DACH2: variants seen among roughly 807,000 people sequenced by gnomAD.
DACH2 encodes dachshund homolog 2.
Under a neutral mutation model 35.8 loss-of-function variants are expected in DACH2, and 17 were observed. The observed-to-expected ratio is 0.48, with a 90% CI of 0.33 to 0.71. The LOEUF is 0.71. Among genes scored for constraint, DACH2 ranks in the 30% least tolerant of loss-of-function variants. The pLI is 0.02. For synonymous variants in DACH2, 195 were observed against 177.3 expected, an observed-to-expected ratio of 1.10 and a Z score of -0.79; for missense variants, 469 against 472.7, an observed-to-expected ratio of 0.99 and a Z score of 0.07.
intron 5 of DACH2, among the ~76,000 whole-genome samples, chrX:86,714,202 A>C (rs1725570039): frequency 8.9e-6 from 1 of 111,990 alleles, no homozygotes; most frequent in African/African-American, 3.2e-5. Flanking sequence ...ATGATGTTAC[A>C]AAATGGTTAT....
intron 3 of DACH2, among the ~76,000 whole-genome samples, chrX:86,624,696 G>A (rs2148381519): frequency 8.9e-6 from 1 of 111,840 alleles, no homozygotes; most frequent in African/African-American, 3.2e-5. Context: ...GGAGTAAACA[G>A]AACATAGTTT....
At chrX:86,329,233 G>A (rs1391426039) in intron 1 of DACH2, among the ~76,000 whole-genome samples, 1 of 111,008 alleles carries the variant, frequency 9.0e-6, no homozygotes, top group Non-Finnish European at 1.9e-5. Flanking sequence ...TTTGGTATCC[G>A]TAAAGAAGTC....
In DACH2 at chrX:86,181,375, C is replaced by T. The variant is rs112801167; in HGVS notation, c.488+32267C>T. Among the ~76,000 whole-genome samples the T allele has an allele frequency of 5.5e-3, 613 of 110,678 alleles. 2 individuals carry two copies. Among genetic ancestry groups the T allele is most frequent in the African/African-American group, 0.02 (597 of 30,376 alleles). On this transcript the variant is annotated intron_variant, in intron 1 of 11. Coordinates refer to ENST00000373125, the MANE Select transcript of DACH2 (RefSeq NM_053281.3). ...GACAGGCCCTGGTGTGTGATGTTCTCCTCCCTGTGTTCATGTGTTCTCATT... is the reference window on the plus strand; with the variant it reads ...GACAGGCCCTGGTGTGTGATGTTCTTCTCCCTGTGTTCATGTGTTCTCATT...
At chrX:86,313,373 G>A (rs1488478978) in intron 1 of DACH2, among the ~76,000 whole-genome samples, 4 of 111,667 alleles carry the variant, frequency 3.6e-5, no homozygotes, top group African/African-American at 9.8e-5. Flanking sequence ...TTGGGATGGT[G>A]CATATTCAAA....
intron 3 of DACH2, among the ~76,000 whole-genome samples, chrX:86,613,144 T>A (rs1195094845): frequency 8.9e-6 from 1 of 112,050 alleles, no homozygotes; most frequent in Non-Finnish European, 1.9e-5. Flanking sequence ...TAATCCTTAA[T>A]ATAGATATTT....
At chrX:86,687,253 T>G (rs1158092822) in intron 4 of DACH2, among the ~76,000 whole-genome samples, 1 of 110,734 alleles carries the variant, frequency 9.0e-6, no homozygotes, top group Non-Finnish European at 1.9e-5. Flanking sequence ...TGGGTTTGCC[T>G]GTAAAGATAA....
intron 7 of DACH2, among the ~76,000 whole-genome samples, chrX:86,762,671 T>C (rs2041895157): frequency 8.9e-6 from 1 of 112,034 alleles, no homozygotes; most frequent in Admixed American, 9.5e-5. Flanking sequence ...AATTTAATTT[T>C]TCATTTGTAA....
intron 1 of DACH2, among the ~76,000 whole-genome samples, chrX:86,249,586 CTT>C (rs2033359001): frequency 9.0e-6 from 1 of 111,586 alleles, no homozygotes; most frequent in Non-Finnish European, 1.9e-5. Context: ...AAATGGAACA[CTT>C]ATACACTGCC....
intron 3 of DACH2, among the ~76,000 whole-genome samples, chrX:86,548,204 C>A (rs969438114): frequency 9.0e-6 from 1 of 111,544 alleles, no homozygotes; most frequent in Admixed American, 9.6e-5. Context: ...AGATATGCAA[C>A]TTTCTGATCT....
chrX:86,390,090 G>A (rs966154666), intron 2 of DACH2, among the ~76,000 whole-genome samples: 13 of 111,496 alleles, frequency 1.2e-4, no homozygotes, highest in African/African-American at 4.2e-4. Context: ...CATACAAGAA[G>A]ATCTACTCTT....
intron 1 of DACH2, chrX:86,304,797 A>G: frequency 6.3e-6 from 1 of 158,074 alleles, no homozygotes; most frequent in Admixed American, 5.8e-5. Context: ...CTCTGCCAGT[A>G]CTTTGCAGAG....
intron 1 of DACH2, among the ~76,000 whole-genome samples, chrX:86,348,983 T>G (rs1408165211): frequency 8.9e-6 from 1 of 112,327 alleles, no homozygotes; most frequent in Non-Finnish European, 1.9e-5. Flanking sequence ...CATGCTACAG[T>G]GTGCTCTTTT....
At chrX:86,643,860 A>C (rs1881644094) in intron 3 of DACH2, among the ~76,000 whole-genome samples, 1 of 111,668 alleles carries the variant, frequency 9.0e-6, no homozygotes, top group African/African-American at 3.3e-5. Context: ...CTAAAGACAA[A>C]AACCAAATGA....
At chrX:86,227,046 A>G (rs112662591) in intron 1 of DACH2, among the ~76,000 whole-genome samples, 2,440 of 111,386 alleles carry the variant, frequency 0.022, 67 homozygotes, top group African/African-American at 0.075. Flanking sequence ...CTCTTTCAAG[A>G]TTAGTATTCT....
intron 3 of DACH2, among the ~76,000 whole-genome samples, chrX:86,602,386 T>C (rs1374379044): frequency 8.9e-6 from 1 of 112,307 alleles, no homozygotes; most frequent in Non-Finnish European, 1.9e-5. Context: ...TTGGGTTATG[T>C]GGTAAGTTTA....
At chrX:86,424,026 C>G (rs1285732146) in intron 2 of DACH2, among the ~76,000 whole-genome samples, 2 of 110,940 alleles carry the variant, frequency 1.8e-5, no homozygotes, top group Non-Finnish European at 3.8e-5. Context: ...GTTCTCAGTT[C>G]TGTTCCATTA....
At chrX:86,583,453 A>T (rs896160671) in intron 3 of DACH2, among the ~76,000 whole-genome samples, 1 of 111,373 alleles carries the variant, frequency 9.0e-6, no homozygotes, top group African/African-American at 3.3e-5. Flanking sequence ...TTCTATACCT[A>T]GAAAATCCCA....
rs776794340 is a variant in DACH2, at chrX:86,467,629, C to A, written c.528-46650C>A. Among the ~76,000 whole-genome samples the A allele has an allele frequency of 1.0e-3, 113 of 111,423 alleles. No homozygotes were observed. The South Asian group carries it at 0.037, about 36-fold the overall frequency. ...ATTTCCAGGTGGCCTTATAGCAGCACCCCACTCTCTGGGTACCAATTTACT... is the reference window on the plus strand; with the variant it reads ...ATTTCCAGGTGGCCTTATAGCAGCAACCCACTCTCTGGGTACCAATTTACT... On this transcript the variant is annotated intron_variant, in intron 2 of 11. Coordinates refer to ENST00000373125, the MANE Select transcript of DACH2 (RefSeq NM_053281.3).
At chrX:86,824,613 G>T (rs778398508) in intron 11 of DACH2, among the ~76,000 whole-genome samples, 1 of 112,189 alleles carries the variant, frequency 8.9e-6, no homozygotes, top group Non-Finnish European at 1.9e-5. Context: ...AAATGTCCAT[G>T]AAATCTTCAC....
Sources: gnomAD v4.1 joint callset for allele counts (sites outside exome capture counted in the v4.1 genomes callset) on GRCh38, gnomAD v4.1.1 for gene constraint, MANE v1.5 for transcripts, NCBI Gene and HGNC (gene_info 2026-07-23, HGNC 2026-07-21) for gene names.